Variants in DSCAM observed in about 807,000 individuals in gnomAD.
The protein encoded by DSCAM is cell adhesion molecule DSCAM.
Under a neutral mutation model 217.7 loss-of-function variants are expected in DSCAM, and 47 were observed. The ratio of observed to expected loss-of-function variants is 0.22; its 90% CI spans 0.17 to 0.28. The LOEUF is 0.28. Ranked by LOEUF, DSCAM falls within the 10% of genes least tolerant of loss-of-function variation. DSCAM has a pLI of 1.00. For missense variants in DSCAM, 2,080 were observed against 2,618.3 expected (o/e 0.79, Z 4.49); for synonymous variants, 1,056 against 1,015.3 (o/e 1.04, Z -0.76).
rs1555849637 is a variant in DSCAM, at chr21:40,516,906, T to TATACAC, written c.509-147662_509-147661insGTGTAT. On this transcript the variant is annotated intron_variant, in intron 3 of 32. Transcript: ENST00000400454. Reference sequence around the variant, plus strand: ...CACACACCATATATATATATATATATACACACACACACATATACCTTATAT... The same window carrying TATACAC: ...CACACACCATATATATATATATATATATACACACACACACACACATATACCTTATAT... 1.2e-4 allele frequency among the ~76,000 whole-genome samples: 17 copies of TATACAC among 145,580 alleles called. 1 individual carries two copies. Among genetic ancestry groups the TATACAC allele is most frequent in the Admixed American group, 4.2e-4 (6 of 14,328 alleles).
intron 3 of DSCAM, among the ~76,000 whole-genome samples, chr21:40,407,140 T>C (rs374071211): frequency 2.6e-5 from 4 of 152,112 alleles, no homozygotes; most frequent in African/African-American, 9.7e-5. Context: ...AGGTTTTAAA[T>C]GTTCACACCA....
At chr21:40,674,757 C>A (rs751223044) in intron 3 of DSCAM, among the ~76,000 whole-genome samples, 8 of 151,550 alleles carry the variant, frequency 5.3e-5, no homozygotes, top group Non-Finnish European at 1.0e-4. Flanking sequence ...CTCAGCCTCC[C>A]GGGTAGTTGG....
At chr21:40,762,084 A>G (rs893485190) in intron 1 of DSCAM, among the ~76,000 whole-genome samples, 3 of 152,226 alleles carry the variant, frequency 2.0e-5, no homozygotes, top group African/African-American at 4.8e-5. Flanking sequence ...TTCAAAACCT[A>G]GCAGAAGACA....
intron 11 of DSCAM, among the ~76,000 whole-genome samples, chr21:40,216,759 C>T (rs930714050): frequency 2.0e-5 from 3 of 152,206 alleles, no homozygotes; most frequent in Admixed American, 1.3e-4. Context: ...AGGCCCCTCC[C>T]GCAGCCAACC....
At position 40,144,229 on chromosome 21, in the gene DSCAM, C is replaced by T. The variant is rs1447648081; in HGVS notation, c.3259+262G>A. Among the ~76,000 whole-genome samples the T allele has an allele frequency of 1.3e-5, 2 of 152,208 alleles. No homozygotes were observed. The highest frequency in any genetic ancestry group is 4.8e-5 in the African/African-American group (2 of 41,456). ...GCCTTGTTTTCACTCCAGAAAAGCC[C>T]AATTCTTGTACCTGAAATGAATGAG... On this transcript the variant is annotated intron_variant, in intron 17 of 32. Coordinates refer to ENST00000400454, the MANE Select transcript of DSCAM (RefSeq NM_001389.5). This position sits in a 1 kb window ranked among gnomAD's most constrained non-coding sequence, Gnocchi z 4.8.
intron 11 of DSCAM, among the ~76,000 whole-genome samples, chr21:40,197,400 G>C (rs1326868375): frequency 6.6e-6 from 1 of 152,116 alleles, no homozygotes; most frequent in Non-Finnish European, 1.5e-5. Context: ...TTACAGGCGT[G>C]AGCCACCGCG....
At chr21:40,521,227 C>T (rs993876027) in intron 3 of DSCAM, among the ~76,000 whole-genome samples, 1 of 152,114 alleles carries the variant, frequency 6.6e-6, no homozygotes, top group Admixed American at 6.6e-5. Context: ...AGGGATAATG[C>T]TAAACATCTT....
At chr21:40,286,137 C>T (rs908417741) in intron 10 of DSCAM, among the ~76,000 whole-genome samples, 6 of 151,940 alleles carry the variant, frequency 3.9e-5, no homozygotes, top group South Asian at 2.1e-4. Context: ...CCAGGTCAGG[C>T]TTGTGGTCAG....
intron 3 of DSCAM, among the ~76,000 whole-genome samples, chr21:40,659,029 G>A (rs1421948317): frequency 6.6e-6 from 1 of 152,090 alleles, no homozygotes; most frequent in Non-Finnish European, 1.5e-5. Context: ...GTGCTTCTTT[G>A]GAAGAGGGGA....
intron 4 of DSCAM, among the ~76,000 whole-genome samples, chr21:40,356,150 T>C (rs894280440): frequency 4.6e-5 from 7 of 151,960 alleles, no homozygotes; most frequent in African/African-American, 1.7e-4. Flanking sequence ...ATACCCAGAG[T>C]GGGATTGCTA....
At chr21:40,278,904 T>A (rs570895494) in intron 10 of DSCAM, among the ~76,000 whole-genome samples, 1 of 152,190 alleles carries the variant, frequency 6.6e-6, no homozygotes, top group Non-Finnish European at 1.5e-5. Flanking sequence ...TGGGCCAAAT[T>A]TGAATTGTGG....
intron 16 of DSCAM, among the ~76,000 whole-genome samples, chr21:40,146,700 A>C (rs2090361422): frequency 6.6e-6 from 1 of 152,182 alleles, no homozygotes. Flanking sequence ...CAGTCGCGTA[A>C]ACCATTTATT....
At chr21:40,522,034 T>C (rs1408209897) in intron 3 of DSCAM, among the ~76,000 whole-genome samples, 2 of 152,206 alleles carry the variant, frequency 1.3e-5, no homozygotes, top group African/African-American at 4.8e-5. Context: ...CATAGGACAG[T>C]TCGCCACTCC....
Position 40,276,194 on chromosome 21 carries a change from G to A in DSCAM, c.2259C>T (p.Ile753=). The A allele has an allele frequency of 6.2e-7, 1 of 1,613,322 alleles. No individual in the cohort carries two copies. Residue 753 remains isoleucine (I), a synonymous_variant, in exon 11 of 33, where the codon ATC becomes ATT. Coordinates refer to ENST00000400454, the MANE Select transcript of DSCAM (RefSeq NM_001389.5). The part of the protein sequence containing the change: ...IQVLSNGSLL[I]KHVVEEDSGY... The stretch of plus-strand genomic sequence containing the variant: ...CACTGTCTTCCTCCACGACATGCTT[G>A]ATCAGCAACGACCCATTGCTGAGAA...
rs148262103 is a variant in DSCAM at position 40,609,040 on chromosome 21, G to A, written c.508+83770C>T. On this transcript the variant is annotated intron_variant, in intron 3 of 32. Transcript: ENST00000400454. ...CACAATCATGGCTCACTGCAGCCTC[G>A]AGCTCCTGGGCTCAAGCAGTCCTCC... Among the ~76,000 whole-genome samples the A allele has an allele frequency of 8.9e-3, 1,361 of 152,126 alleles. 17 individuals are homozygous for A. Among genetic ancestry groups the A allele is most frequent in the African/African-American group, 0.03 (1,264 of 41,520 alleles).
chr21:40,174,331 T>G (rs547210986), intron 15 of DSCAM, among the ~76,000 whole-genome samples: 1 of 152,120 alleles, frequency 6.6e-6, no homozygotes, highest in East Asian at 1.9e-4. Context: ...TAGTTTGGGG[T>G]TGGAGCAATG....
rs779296724 is a variant in DSCAM at position 40,133,878 on chromosome 21, T to C, written c.3538A>G (p.Ile1180Val). 6.2e-7 allele frequency: 1 copy of C among 1,610,702 alleles called. No individual in the cohort carries two copies. The highest frequency in any genetic ancestry group is 1.3e-5 in the African/African-American group (1 of 74,784). The change falls in exon 19 of 33, where the codon ATC becomes GTC. Residue 1180 changes from isoleucine to valine, a missense_variant. Transcript: ENST00000400454. ...CCATCCTCTTTGGTCCGGGTGAAGA[T>C]CTGCTCACTCCTGACCCCGTCTCCT... ...RAGDGVRSEQ[I>V]FTRTKEDVPG...
At chr21:40,558,361 T>C (rs182566037) in intron 3 of DSCAM, among the ~76,000 whole-genome samples, 1 of 151,292 alleles carries the variant, frequency 6.6e-6, no homozygotes, top group Non-Finnish European at 1.5e-5. Context: ...GGCAGGAGAA[T>C]GGCATGAACC....
At chr21:40,561,396 C>T (rs2076719613) in intron 3 of DSCAM, among the ~76,000 whole-genome samples, 1 of 152,194 alleles carries the variant, frequency 6.6e-6, no homozygotes, top group African/African-American at 2.4e-5. Flanking sequence ...ACACGTCGTT[C>T]CATTATTTTC....
Sources: gnomAD v4.1 joint callset for allele counts (sites outside exome capture counted in the v4.1 genomes callset) on GRCh38, gnomAD v4.1.1 for gene constraint, Gnocchi (gnomAD v3.1) non-coding constraint, MANE v1.5 for transcripts, NCBI Gene and HGNC (gene_info 2026-07-23, HGNC 2026-07-21) for gene names.